Variants in CD40 observed in about 807,000 individuals in gnomAD.
CD40 encodes tumor necrosis factor receptor superfamily member 5.
CD40 carries 19 observed loss-of-function variants against 38.5 expected under a neutral mutation model. That is an observed-to-expected ratio of 0.49 (90% CI 0.34 to 0.72). The LOEUF (loss-of-function observed/expected upper bound fraction) is 0.72, where lower values mean the gene tolerates loss of function less well. Among genes scored for constraint, CD40 ranks in the 30% least tolerant of loss-of-function variants. CD40 has a pLI of 0.01. For missense variants in CD40, 256 were observed against 344.1 expected (o/e 0.74, Z 2.03); for synonymous variants, 130 against 128.7 (o/e 1.01, Z -0.07).
intron 5 of CD40, among the ~76,000 whole-genome samples, chr20:46,125,022 C>T (rs1331830669): frequency 6.6e-6 from 1 of 151,544 alleles, no homozygotes; most frequent in Non-Finnish European, 1.5e-5. Context: ...CTGCCTTGGC[C>T]TCCCAAAGTG....
intron 5 of CD40, 67 bp from the exon 6 acceptor site, chr20:46,126,573 G>A: frequency 1.9e-6 from 3 of 1,601,080 alleles, no homozygotes; most frequent in Non-Finnish European, 2.6e-6. Context: ...GAAATCTTAT[G>A]CTTGGGGAAA....
At chr20:46,128,767 C>T (rs574149460) in intron 8 of CD40, 115 bp from the exon 9 acceptor site, 44 of 1,151,286 alleles carry the variant, frequency 3.8e-5, no homozygotes, top group African/African-American at 2.0e-4. Flanking sequence ...AGCACTGACC[C>T]GCCGTCTGGG....
At chr20:46,125,107 C>T (rs191739828) in intron 5 of CD40, among the ~76,000 whole-genome samples, 4 of 151,584 alleles carry the variant, frequency 2.6e-5, no homozygotes, top group East Asian at 2.0e-4. Context: ...CATTGGCTTA[C>T]GTATCTGATT....
At chr20:46,119,032 G>A (rs2085267416) in intron 1 of CD40, among the ~76,000 whole-genome samples, 1 of 151,126 alleles carries the variant, frequency 6.6e-6, no homozygotes, top group Non-Finnish European at 1.5e-5. Flanking sequence ...AACAGTTTAT[G>A]GGACACAATA....
At position 46,128,922 on chromosome 20, in the gene CD40, C is replaced by A. The variant is rs1488792727; in HGVS notation, c.716C>A (p.Pro239His). 1 of 1,614,168 alleles carries A rather than the reference C, an allele frequency of 6.2e-7. No individual in the cohort carries two copies. Among genetic ancestry groups the A allele is most frequent in the Non-Finnish European group, 8.5e-7 (1 of 1,180,022 alleles). Residue 239 changes from proline (P) to histidine (H), a missense_variant, in exon 9 of 9, where the codon CCC becomes CAC. By Grantham distance (77) the Pro-to-His change is moderately conservative. Coordinates refer to ENST00000372285, the MANE Select transcript of CD40 (RefSeq NM_001250.6). ...PKQEPQEINF[P>H]DDLPGSNTAA... Reference sequence around the variant, plus strand: ...CAGGAACCCCAGGAGATCAATTTTCCCGACGATCTTCCTGGCTCCAACACT... The same window carrying A: ...CAGGAACCCCAGGAGATCAATTTTCACGACGATCTTCCTGGCTCCAACACT...
At chr20:46,128,458 T>C in intron 8 of CD40, 100 bp downstream of exon 8, 1 of 1,310,470 alleles carries the variant, frequency 7.6e-7, no homozygotes, top group African/African-American at 1.5e-5. Flanking sequence ...AGTCTGTCTC[T>C]GCAGCCAGTG....
In CD40 at chr20:46,118,414, A is replaced by G. The variant is rs774291557; in HGVS notation, c.51+20A>G. The G allele has an allele frequency of 6.3e-7, 1 of 1,592,424 alleles. No homozygotes were observed. ...ACCGCTGTGAGTTGTTTTTGCCCCG[A>G]CCAGACGGGAGTTGGGAGTGGGGAA... On this transcript the variant is annotated intron_variant, in intron 1 of 8. Coordinates refer to ENST00000372285, the MANE Select transcript of CD40 (RefSeq NM_001250.6).
At chr20:46,126,723 C>G in intron 6 of CD40, 22 bp downstream of exon 6, 2 of 1,614,010 alleles carry the variant, frequency 1.2e-6, no homozygotes, top group Non-Finnish European at 1.7e-6. Flanking sequence ...ACAATGGGCC[C>G]TGGAGAAAGC....
chr20:46,128,430 G>A, intron 8 of CD40, 72 bp downstream of exon 8: 1 of 1,514,098 alleles, frequency 6.6e-7, no homozygotes. Flanking sequence ...TGCCTATGGG[G>A]CAGTAAAACT....
chr20:46,119,570 A>G (rs558343043), intron 1 of CD40, among the ~76,000 whole-genome samples: 1 of 152,298 alleles, frequency 6.6e-6, no homozygotes, highest in East Asian at 1.9e-4. Context: ...GTTTGCCCTC[A>G]TAACTCCCAA....
chr20:46,128,430 G>T (rs1321365561), intron 8 of CD40, 72 bp downstream of exon 8: 2 of 1,514,102 alleles, frequency 1.3e-6, no homozygotes, highest in Middle Eastern at 1.7e-4. Flanking sequence ...TGCCTATGGG[G>T]CAGTAAAACT....
Position 46,124,968 on chromosome 20 carries a change from C to T in CD40, c.498-1672C>T, listed in dbSNP as rs186633024. Among the ~76,000 whole-genome samples the T allele has an allele frequency of 1.1e-4, 16 of 151,582 alleles. No homozygotes were observed. In the East Asian group the frequency reaches 2.6e-3, roughly 24 times the overall value. On this transcript the variant is annotated intron_variant, in intron 5 of 8. Coordinates refer to ENST00000372285, the MANE Select transcript of CD40 (RefSeq NM_001250.6). Reference sequence around the variant, plus strand: ...ATTTTTAGTAGAGACGGCGTTTCACCGTGTTAGCCAGGATGGTCTTGATCT... The same window carrying T: ...ATTTTTAGTAGAGACGGCGTTTCACTGTGTTAGCCAGGATGGTCTTGATCT...
intron 6 of CD40, among the ~76,000 whole-genome samples, chr20:46,127,604 C>T (rs960879035): frequency 5.3e-5 from 8 of 152,344 alleles, no homozygotes; most frequent in African/African-American, 1.9e-4. Flanking sequence ...TCATCCCTTG[C>T]CTCACGCTAG....
At chr20:46,118,602 A>G (rs2085258204) in intron 1 of CD40, among the ~76,000 whole-genome samples, 1 of 152,092 alleles carries the variant, frequency 6.6e-6, no homozygotes, top group Admixed American at 6.5e-5. Context: ...AGCGGCCTAC[A>G]GGGGCCGCTC....
At position 46,122,488 on chromosome 20, in the gene CD40, G is replaced by T. The variant is rs1774679127; in HGVS notation, c.257-122G>T. 19 of 1,566,916 alleles carry T rather than the reference G, an allele frequency of 1.2e-5. No individual in the cohort carries two copies. In the South Asian group the frequency reaches 2.1e-4, roughly 17 times the overall value. Reference sequence around the variant, plus strand: ...GTCCGGGCTGTACTGATCATTAAATGATTTGATTGCCATCTCTACTTGGAA... The same window carrying T: ...GTCCGGGCTGTACTGATCATTAAATTATTTGATTGCCATCTCTACTTGGAA... On this transcript the variant is annotated intron_variant, in intron 3 of 8. Coordinates refer to ENST00000372285, the MANE Select transcript of CD40 (RefSeq NM_001250.6). This position sits in a 1 kb window ranked among gnomAD's most constrained non-coding sequence, Gnocchi z 5.0.
At chr20:46,125,861 A>C (rs1469946943) in intron 5 of CD40, among the ~76,000 whole-genome samples, 1 of 152,218 alleles carries the variant, frequency 6.6e-6, no homozygotes, top group Non-Finnish European at 1.5e-5. Context: ...CACACTTGGC[A>C]GTGATCTGGT....
rs1568910523 is a variant in CD40 at position 46,126,633 on chromosome 20, T to TG, written c.498-6dup. The TG allele has an allele frequency of 6.2e-7, 1 of 1,614,146 alleles. No homozygotes were observed. The highest frequency in any genetic ancestry group is 8.5e-7 in the Non-Finnish European group (1 of 1,180,032). ...GTGTGTGCATTTGTGCACGTGTCTGTGCATAGCTGTGAGACCAAAGACCTG... is the reference window on the plus strand; with the variant it reads ...GTGTGTGCATTTGTGCACGTGTCTGTGGCATAGCTGTGAGACCAAAGACCTG... On this transcript the variant is annotated splice_polypyrimidine_tract_variant and splice_region_variant and intron_variant, in intron 5 of 8. Coordinates refer to ENST00000372285, the MANE Select transcript of CD40 (RefSeq NM_001250.6).
intron 1 of CD40, among the ~76,000 whole-genome samples, chr20:46,119,943 C>T (rs948493384): frequency 1.1e-4 from 16 of 152,130 alleles, no homozygotes; most frequent in African/African-American, 3.6e-4. Flanking sequence ...TTTTATTTCT[C>T]ATGTGTTTGA....
Position 46,129,149 on chromosome 20 carries a change from C to A in CD40, c.*109C>A. 1 of 1,236,010 alleles carries A rather than the reference C, an allele frequency of 8.1e-7. No homozygotes were observed. 76.6% of individuals were successfully genotyped at this position (1,236,010 alleles called of 1,614,324 possible). A position where few individuals can be genotyped will look rare whatever the true frequency, so the allele number is the denominator to read the frequency against. ...GGGTGAGGGGCTGGCACTGACTGGGCATAGCTCCCCGCTTCTGCCTGCACC... is the reference window on the plus strand; with the variant it reads ...GGGTGAGGGGCTGGCACTGACTGGGAATAGCTCCCCGCTTCTGCCTGCACC... On this transcript the variant is annotated 3_prime_UTR_variant, in exon 9 of 9. Transcript: ENST00000372285.
Sources: gnomAD v4.1 joint callset for allele counts (sites outside exome capture counted in the v4.1 genomes callset) on GRCh38, gnomAD v4.1.1 for gene constraint, Gnocchi (gnomAD v3.1) non-coding constraint, MANE v1.5 for transcripts, NCBI Gene and HGNC (gene_info 2026-07-23, HGNC 2026-07-21) for gene names.